UNC13C: variants seen among roughly 807,000 people sequenced by gnomAD.
UNC13C encodes unc-13 homolog C.
In UNC13C, 174 loss-of-function variants were observed where a neutral mutation model predicts 245.4. The observed-to-expected ratio is 0.71, with a 90% CI of 0.63 to 0.80. The LOEUF (loss-of-function observed/expected upper bound fraction) is 0.80, where lower values mean the gene tolerates loss of function less well. Ranked by LOEUF, UNC13C falls within the 30% of genes least tolerant of loss-of-function variation. UNC13C has a pLI of 0.00. For missense variants in UNC13C, 2,829 were observed against 2,602.9 expected (o/e 1.09, Z -1.89); for synonymous variants, 992 against 895.1 (o/e 1.11, Z -1.93).
chr15:54,317,897 C>G (rs2038050988), intron 13 of UNC13C, among the ~76,000 whole-genome samples: 1 of 151,892 alleles, frequency 6.6e-6, no homozygotes, highest in African/African-American at 2.4e-5. Flanking sequence ...CCTGCACCCC[C>G]TAACTGCTCC....
chr15:54,310,570 G>A (rs2037841751), intron 13 of UNC13C, among the ~76,000 whole-genome samples: 1 of 151,714 alleles, frequency 6.6e-6, no homozygotes, highest in Admixed American at 6.6e-5. Context: ...GTAAGGGTTA[G>A]ATCTTCTAAA....
chr15:54,564,478 C>T (rs906551217), intron 29 of UNC13C, among the ~76,000 whole-genome samples: 1 of 152,004 alleles, frequency 6.6e-6, no homozygotes, highest in Non-Finnish European at 1.5e-5. Flanking sequence ...TAAAAACATG[C>T]CTTTCTATAA....
chr15:54,569,044 C>T (rs1897636254), intron 30 of UNC13C, among the ~76,000 whole-genome samples: 1 of 152,146 alleles, frequency 6.6e-6, no homozygotes, highest in South Asian at 2.1e-4. Flanking sequence ...ACATTATTCC[C>T]TGAATGCATG....
At chr15:53,898,442 A>G in the UNC13C span, among the ~76,000 whole-genome samples, 1 of 151,984 alleles carries the variant, frequency 6.6e-6, no homozygotes, top group Non-Finnish European at 1.5e-5. Flanking sequence ...ACGCATACAC[A>G]CTAACACACT....
chr15:54,098,009 A>G (rs1272901280), intron 2 of UNC13C, among the ~76,000 whole-genome samples: 1 of 152,132 alleles, frequency 6.6e-6, no homozygotes, highest in Non-Finnish European at 1.5e-5. Context: ...CTGTTGGAAA[A>G]GAATACAATT....
At chr15:54,008,333 C>A (rs562102487) in intron 1 of UNC13C, among the ~76,000 whole-genome samples, 1 of 152,214 alleles carries the variant, frequency 6.6e-6, no homozygotes, top group East Asian at 1.9e-4. Context: ...GTCACTTTAT[C>A]TGGAAATTAA....
At chr15:53,867,992 A>C in the UNC13C span, among the ~76,000 whole-genome samples, 1 of 151,774 alleles carries the variant, frequency 6.6e-6, no homozygotes, top group Non-Finnish European at 1.5e-5. Flanking sequence ...CACCATTCCT[A>C]GCTAATTAAA....
Position 54,552,639 on chromosome 15 carries a change from A to AT in UNC13C, c.5878-2793_5878-2792insT, listed in dbSNP as rs1566904960. The stretch of plus-strand genomic sequence containing the variant: ...AATTATATTATATATTGTACAATAT[A>AT]ATATAATTATATAATTATATTATAT... On this transcript the variant is annotated intron_variant, in intron 28 of 32. Transcript: ENST00000260323. Among the ~76,000 whole-genome samples, 81 of 75,398 alleles carry AT rather than the reference A, an allele frequency of 1.1e-3. 1 individual carries two copies. Among genetic ancestry groups the AT allele is most frequent in the Non-Finnish European group, 1.6e-3 (76 of 46,352 alleles). The allele number at this position is 75,398 out of a possible 152,430, so 49.5% of individuals were successfully genotyped here. A position where few individuals can be genotyped will look rare whatever the true frequency, so the allele number is the denominator to read the frequency against.
intron 2 of UNC13C, among the ~76,000 whole-genome samples, chr15:54,130,768 G>T (rs989412863): frequency 1.1e-4 from 17 of 151,976 alleles, no homozygotes; most frequent in Admixed American, 1.0e-3. Context: ...CTCCACTTCC[G>T]TAGTTAATTC....
At position 54,476,485 on chromosome 15, in the gene UNC13C, A is replaced by G. The variant is rs1035285610; in HGVS notation, c.4934-18123A>G. Among the ~76,000 whole-genome samples the G allele has an allele frequency of 5.7e-5, 7 of 123,746 alleles. No homozygotes were observed. The East Asian group carries it at 1.3e-3, about 24-fold the overall frequency. The allele number at this position is 123,746 out of a possible 152,430, so 81.2% of individuals were successfully genotyped here. ...TAATCTATCTTGAATTAATTTTTGT[A>G]TAAGGTGTAAGGAAGGGATCCAGTT... On this transcript the variant is annotated intron_variant, in intron 19 of 32. Transcript: ENST00000260323.
chr15:54,251,434 G>A (rs1192065853), intron 8 of UNC13C, among the ~76,000 whole-genome samples: 5 of 152,166 alleles, frequency 3.3e-5, no homozygotes, highest in Admixed American at 1.3e-4. Flanking sequence ...CTGGCACACG[G>A]TAGATGCTCC....
intron 1 of UNC13C, among the ~76,000 whole-genome samples, chr15:53,999,001 G>T (rs182782512): frequency 4.0e-4 from 60 of 151,806 alleles, no homozygotes; most frequent in Non-Finnish European, 7.2e-4. Flanking sequence ...TATTTTATTT[G>T]CTAATGTTTT....
chr15:54,398,074 A>T (rs565836130), intron 18 of UNC13C, among the ~76,000 whole-genome samples: 1 of 151,520 alleles, frequency 6.6e-6, no homozygotes, highest in South Asian at 2.1e-4. Context: ...ATTGAATATC[A>T]TGTTAACTAA....
At chr15:54,243,479 A>G (rs1488337781) in intron 7 of UNC13C, among the ~76,000 whole-genome samples, 2 of 152,298 alleles carry the variant, frequency 1.3e-5, no homozygotes, top group East Asian at 3.9e-4. Context: ...AGAATGATTT[A>G]CATTCCTTTG....
intron 22 of UNC13C, among the ~76,000 whole-genome samples, chr15:54,502,043 CAT>C (rs1208712640): frequency 6.6e-6 from 1 of 152,164 alleles, no homozygotes; most frequent in East Asian, 1.9e-4. Flanking sequence ...ACATAACAAA[CAT>C]AGTAATTTAG....
At chr15:54,375,909 A>G (rs2039597029) in intron 17 of UNC13C, among the ~76,000 whole-genome samples, 1 of 152,230 alleles carries the variant, frequency 6.6e-6, no homozygotes, top group Non-Finnish European at 1.5e-5. Flanking sequence ...AGCTGCCAAA[A>G]TTGTAGCAAT....
At chr15:54,592,668 A>T (rs1197506699) in intron 30 of UNC13C, among the ~76,000 whole-genome samples, 1 of 151,922 alleles carries the variant, frequency 6.6e-6, no homozygotes, top group Non-Finnish European at 1.5e-5. Flanking sequence ...CTACCCCTTT[A>T]AGTTTATGTG....
intron 30 of UNC13C, among the ~76,000 whole-genome samples, chr15:54,620,489 A>C (rs1288202070): frequency 6.6e-6 from 1 of 152,116 alleles, no homozygotes; most frequent in Non-Finnish European, 1.5e-5. Context: ...GTACTTTGGG[A>C]TCTCCCAATC....
intron 2 of UNC13C, among the ~76,000 whole-genome samples, chr15:54,063,977 A>G (rs369406798): frequency 9.9e-5 from 15 of 152,188 alleles, no homozygotes; most frequent in East Asian, 3.8e-4. Flanking sequence ...AATTTCTAAG[A>G]TTTGGCCCAC....
Sources: allele counts gnomAD v4.1 joint callset (sites outside exome capture counted in the v4.1 genomes callset), GRCh38; gene constraint gnomAD v4.1.1; transcripts MANE v1.5; gene names NCBI Gene and HGNC (gene_info 2026-07-23, HGNC 2026-07-21).